Variants in HIVEP3 observed in about 807,000 individuals in gnomAD.
HIVEP3 encodes the protein transcription factor HIVEP3.
HIVEP3 carries 49 observed loss-of-function variants against 152.8 expected under a neutral mutation model. The observed-to-expected ratio is 0.32, with a 90% CI of 0.26 to 0.41. The LOEUF (loss-of-function observed/expected upper bound fraction) is 0.41, where lower values mean the gene tolerates loss of function less well. Among genes scored for constraint, HIVEP3 ranks in the 10% least tolerant of loss-of-function variants. The pLI, the probability that HIVEP3 is intolerant of heterozygous loss-of-function variation, is 1.00. For synonymous variants in HIVEP3, 1,269 were observed against 1,289.0 expected (o/e 0.98, Z 0.33); for missense variants, 2,790 against 3,103.3 (o/e 0.90, Z 2.40).
chr1:41,958,361 T>C (rs932449527), intron 1 of HIVEP3, among the ~76,000 whole-genome samples: 3 of 152,226 alleles, frequency 2.0e-5, no homozygotes, highest in African/African-American at 7.2e-5. Context: ...TGAAAACAGC[T>C]CCTGGTAGTT....
At chr1:41,900,720 TG>T (rs1278056530) in intron 1 of HIVEP3, among the ~76,000 whole-genome samples, 2 of 151,940 alleles carry the variant, frequency 1.3e-5, no homozygotes, top group African/African-American at 2.4e-5. Context: ...TTCACACATA[TG>T]GGCCTCCCTA....
At chr1:41,923,171 T>G (rs1258760402), upstream of HIVEP3, among the ~76,000 whole-genome samples, 1 of 152,198 alleles carries the variant, frequency 6.6e-6, no homozygotes, top group Non-Finnish European at 1.5e-5. Flanking sequence ...TACATGGTAG[T>G]TAAGTAATAA....
chr1:41,920,535 C>T (rs1644932962), upstream of HIVEP3, among the ~76,000 whole-genome samples: 1 of 150,946 alleles, frequency 6.6e-6, no homozygotes, highest in South Asian at 2.1e-4. Flanking sequence ...ATTCTGTCTT[C>T]ACACTAAAAA....
rs72671229 is a variant in HIVEP3 at position 41,810,331 on chromosome 1, T to C, written c.-801+108082A>G. On this transcript the variant is annotated intron_variant, in intron 1 of 8. Coordinates refer to ENST00000372583, the MANE Select transcript of HIVEP3 (RefSeq NM_024503.5). ...CTGAAGAAGTGCGATCAACCACTTG[T>C]AAGAAAGCAAAACTCCACAAGCATC... 8.8e-3 allele frequency among the ~76,000 whole-genome samples: 1,334 copies of C among 152,250 alleles called. 12 individuals are homozygous for C. The highest frequency in any genetic ancestry group is 0.014 in the Middle Eastern group (4 of 294).
chr1:41,775,305 T>A (rs1648626460), intron 1 of HIVEP3, among the ~76,000 whole-genome samples: 1 of 152,196 alleles, frequency 6.6e-6, no homozygotes, highest in African/African-American at 2.4e-5. Context: ...GCATATAAAT[T>A]TGAATGGCAA....
At chr1:41,904,323 G>A (rs1644675738) in intron 1 of HIVEP3, among the ~76,000 whole-genome samples, 1 of 152,150 alleles carries the variant, frequency 6.6e-6, no homozygotes, top group African/African-American at 2.4e-5. Flanking sequence ...TTTGACCTCT[G>A]AAGCCTCAAT....
At chr1:41,837,738 C>A (rs1481266553) in intron 1 of HIVEP3, among the ~76,000 whole-genome samples, 8 of 152,224 alleles carry the variant, frequency 5.3e-5, no homozygotes, top group Non-Finnish European at 1.5e-5. Flanking sequence ...TACAGGCAAG[C>A]ACACTGGCTT....
intron 1 of HIVEP3, among the ~76,000 whole-genome samples, chr1:41,985,733 T>C (rs1419373583): frequency 1.3e-5 from 2 of 152,122 alleles, no homozygotes; most frequent in Admixed American, 6.5e-5. Context: ...GGAACAGCAA[T>C]AGCTAGAAGG....
intron 1 of HIVEP3, among the ~76,000 whole-genome samples, chr1:41,761,908 C>T (rs1311322002): frequency 6.6e-6 from 1 of 152,228 alleles, no homozygotes; most frequent in Non-Finnish European, 1.5e-5. Context: ...AAACCAAAGA[C>T]AGTTTAAAGC....
intron 1 of HIVEP3, among the ~76,000 whole-genome samples, chr1:41,877,090 T>G (rs974339643): frequency 6.6e-6 from 1 of 152,208 alleles, no homozygotes; most frequent in African/African-American, 2.4e-5. Context: ...AAACTCTTCT[T>G]TCTTTTTTGG....
Position 41,766,778 on chromosome 1 carries a change from G to A in HIVEP3, c.-800-65783C>T, listed in dbSNP as rs182767849. Among the ~76,000 whole-genome samples the A allele has an allele frequency of 3.2e-4, 48 of 152,266 alleles. No homozygotes were observed. The East Asian group carries it at 9.3e-3, about 29-fold the overall frequency. On this transcript the variant is annotated intron_variant, in intron 1 of 8. Coordinates refer to ENST00000372583, the MANE Select transcript of HIVEP3 (RefSeq NM_024503.5). ...CCATTCTCCACTAGGCTTGGAGTCT[G>A]GCCAGATCCACTTAATGGACTCCAA...
At chr1:41,953,770 A>C (rs1403370907) in intron 1 of HIVEP3, among the ~76,000 whole-genome samples, 1 of 152,250 alleles carries the variant, frequency 6.6e-6, no homozygotes, top group Non-Finnish European at 1.5e-5. Context: ...AGAAGGAAGG[A>C]GATGCAAGAG....
At chr1:41,571,243 G>A (rs574046964) in intron 5 of HIVEP3, among the ~76,000 whole-genome samples, 5 of 152,322 alleles carry the variant, frequency 3.3e-5, no homozygotes, top group South Asian at 2.1e-4. Flanking sequence ...TTCCTCTTCC[G>A]TGTAAGCCCA....
intron 2 of HIVEP3, among the ~76,000 whole-genome samples, chr1:41,646,872 A>T (rs1017569047): frequency 5.3e-5 from 8 of 152,230 alleles, no homozygotes; most frequent in African/African-American, 1.9e-4. Context: ...CTGGGCTAAA[A>T]TCCAGGTGTT....
intron 1 of HIVEP3, among the ~76,000 whole-genome samples, chr1:42,034,868 CGGCACAATCAGCGGGA>C (rs1370036046): frequency 6.6e-6 from 1 of 152,064 alleles, no homozygotes; most frequent in Non-Finnish European, 1.5e-5. Context: ...CCTCAATAAA[CGGCACAATCAGCGGGA>C]GGCAGAGAAA....
At chr1:41,915,300 CT>C (rs1233618929) in intron 1 of HIVEP3, among the ~76,000 whole-genome samples, 1 of 152,186 alleles carries the variant, frequency 6.6e-6, no homozygotes, top group African/African-American at 2.4e-5. Context: ...TAAAATTTCA[CT>C]GAATTGCTTA....
chr1:41,998,889 CTTTTTTTTTTTTTT>C (rs1196185838), intron 1 of HIVEP3, among the ~76,000 whole-genome samples: 2 of 64,344 alleles, frequency 3.1e-5, no homozygotes, highest in Non-Finnish European at 5.2e-5. Context: ...TTCTCTCTCT[CTTTTTTTTTTTTTT>C]TTTTTTTTTT....
chr1:41,845,933 G>T (rs1356924297), intron 1 of HIVEP3, among the ~76,000 whole-genome samples: 1 of 152,132 alleles, frequency 6.6e-6, no homozygotes, highest in Non-Finnish European at 1.5e-5. Context: ...CAGGCATGGT[G>T]GTTGGTGCCT....
intron 1 of HIVEP3, among the ~76,000 whole-genome samples, chr1:41,865,315 C>T (rs1308637014): frequency 2.6e-5 from 4 of 152,200 alleles, no homozygotes; most frequent in Non-Finnish European, 5.9e-5. Context: ...ATGAGCTGGA[C>T]CCACTGTGCA....
Sources: gnomAD v4.1 joint callset for allele counts (sites outside exome capture counted in the v4.1 genomes callset) on GRCh38, gnomAD v4.1.1 for gene constraint, MANE v1.5 for transcripts, NCBI Gene and HGNC (gene_info 2026-07-23, HGNC 2026-07-21) for gene names.